TIAM2: variants seen among roughly 807,000 people sequenced by gnomAD.
The protein encoded by TIAM2 is TIAM Rac1 associated GEF 2, also known as rho guanine nucleotide exchange factor TIAM2.
TIAM2 carries 80 observed loss-of-function variants against 152.9 expected under a neutral mutation model. The observed-to-expected ratio is 0.52, with a 90% CI of 0.44 to 0.63. TIAM2 has a LOEUF of 0.63. TIAM2 is among the 30% of genes least tolerant of loss of function. TIAM2 has a pLI of 0.00. For missense variants in TIAM2, 1,965 were observed against 2,120.1 expected (o/e 0.93, Z 1.44); for synonymous variants, 804 against 838.0 (o/e 0.96, Z 0.70).
intron 2 of TIAM2, among the ~76,000 whole-genome samples, chr6:155,104,050 C>CCCCACA (rs1778617598): frequency 3.4e-5 from 3 of 87,546 alleles, no homozygotes; most frequent in African/African-American, 1.7e-4. Flanking sequence ...ACCCCCCCCC[C>CCCCACA]CACACCCCCA....
At chr6:155,139,651 T>C (rs1414060808) in intron 5 of TIAM2, among the ~76,000 whole-genome samples, 2 of 152,146 alleles carry the variant, frequency 1.3e-5, no homozygotes, top group Non-Finnish European at 2.9e-5. Context: ...CAAACTATTA[T>C]GAGTGAGGCC....
intron 19 of TIAM2, among the ~76,000 whole-genome samples, chr6:155,246,504 A>G (rs959925647): frequency 1.4e-4 from 21 of 152,150 alleles, no homozygotes; most frequent in African/African-American, 4.8e-4. Flanking sequence ...AATTTTAAAA[A>G]TGTAAAAATG....
At chr6:155,197,451 A>G (rs1449218047) in intron 14 of TIAM2, among the ~76,000 whole-genome samples, 2 of 152,196 alleles carry the variant, frequency 1.3e-5, no homozygotes, top group African/African-American at 2.4e-5. Flanking sequence ...TAGCTTTTCT[A>G]AGCTTAATTA....
rs865995810 is a variant in TIAM2 at position 155,250,309 on chromosome 6, T to A, written c.3951+340T>A. Among the ~76,000 whole-genome samples, 207 of 126,140 alleles carry A rather than the reference T, an allele frequency of 1.6e-3. 1 individual carries two copies. The highest frequency in any genetic ancestry group is 5.6e-3 in the African/African-American group (198 of 35,172). The allele number at this position is 126,140 out of a possible 152,430, so 82.8% of individuals were successfully genotyped here. On this transcript the variant is annotated intron_variant, in intron 21 of 26. Coordinates refer to ENST00000682666, the MANE Select transcript of TIAM2 (RefSeq NM_012454.4). ...ATTTTGCCTTTTTTTTTTTTTTTTT[T>A]TAACATCAAATATTGGTGGTTACCT...
intron 2 of TIAM2, among the ~76,000 whole-genome samples, chr6:155,101,259 C>A (rs6557400): frequency 0.58 from 88,285 of 151,950 alleles, 26,739 homozygotes; most frequent in African/African-American, 0.73. Flanking sequence ...TTCTTCTAGT[C>A]TTGCCTTCAT....
intron 14 of TIAM2, among the ~76,000 whole-genome samples, chr6:155,188,835 C>A (rs916472689): frequency 4.6e-5 from 7 of 152,146 alleles, no homozygotes; most frequent in Non-Finnish European, 8.8e-5. Flanking sequence ...AGCCATTAAT[C>A]CTACCTTGTT....
intron 15 of TIAM2, among the ~76,000 whole-genome samples, chr6:155,233,192 C>T (rs764492327): frequency 2.0e-5 from 3 of 152,134 alleles, no homozygotes; most frequent in Non-Finnish European, 2.9e-5. Flanking sequence ...GTACCTACCC[C>T]GTAGTAGTTT....
chr6:155,240,814 C>G, intron 16 of TIAM2, 105 bp downstream of exon 16: 1 of 1,207,094 alleles, frequency 8.3e-7, no homozygotes, highest in Non-Finnish European at 1.1e-6. Flanking sequence ...CCTGCCACTC[C>G]CCAGGGGGGG....
chr6:155,219,588 G>A (rs531077396), intron 15 of TIAM2, among the ~76,000 whole-genome samples: 5 of 152,010 alleles, frequency 3.3e-5, no homozygotes, highest in Non-Finnish European at 7.4e-5. Flanking sequence ...GAGTCTCAAA[G>A]GCCATTTGAT....
rs150375770 is a variant in TIAM2, at chr6:155,164,469, C to T, written c.2083C>T (p.Arg695Cys). ...ATTTCACATGGATCTGTTCAGGATG[C>T]GCTGCTATCTGGCCAGCCTACAAGG... is the stretch of plus-strand genomic sequence containing the variant. ...EKFHMDLFRM[R>C]CYLASLQGGE... The change falls in exon 8 of 27, where the codon CGC becomes TGC. Residue 695 changes from arginine (R) to cysteine (C), a missense_variant. Coordinates refer to ENST00000682666, the MANE Select transcript of TIAM2 (RefSeq NM_012454.4). The T allele has an allele frequency of 6.3e-5, 102 of 1,614,004 alleles. No homozygotes were observed. Among genetic ancestry groups the T allele is most frequent in the Admixed American group, 2.2e-4 (13 of 60,000 alleles).
chr6:155,083,174 C>T (rs1026159105), intron 1 of TIAM2, among the ~76,000 whole-genome samples: 11 of 151,686 alleles, frequency 7.3e-5, no homozygotes, highest in African/African-American at 2.4e-4. Flanking sequence ...ATGGCGAAAC[C>T]CCTGTCTCTA....
At chr6:155,017,543 C>T (rs1470682610) in intron 1 of TIAM2, among the ~76,000 whole-genome samples, 2 of 136,384 alleles carry the variant, frequency 1.5e-5, no homozygotes, top group African/African-American at 2.8e-5. Flanking sequence ...CTCACTCTGT[C>T]GCCAGGCTGG....
chr6:155,138,204 A>G (rs934513324), intron 5 of TIAM2, among the ~76,000 whole-genome samples: 6 of 152,200 alleles, frequency 3.9e-5, no homozygotes, highest in African/African-American at 1.4e-4. Context: ...ATTTATAGGT[A>G]TGCCTGTACC....
chr6:155,016,745 A>C (rs887982974), intron 1 of TIAM2, among the ~76,000 whole-genome samples: 10 of 150,884 alleles, frequency 6.6e-5, no homozygotes, highest in Non-Finnish European at 1.2e-4. Context: ...TAAAAATACA[A>C]AAAAATTAGC....
chr6:155,029,588 A>G (rs1583159704), intron 1 of TIAM2, among the ~76,000 whole-genome samples: 1 of 86,566 alleles, frequency 1.2e-5, no homozygotes, highest in South Asian at 3.1e-4. Context: ...ATATAACTAT[A>G]TAGTATATAT....
rs1783220353 is a variant in TIAM2, at chr6:155,244,691, C to T, written c.3451C>T (p.Leu1151Phe). 1 of 1,614,056 alleles carries T rather than the reference C, an allele frequency of 6.2e-7. No individual in the cohort carries two copies. Among genetic ancestry groups the T allele is most frequent in the Admixed American group, 1.7e-5 (1 of 60,012 alleles). ...ESLFGSLPEM[L>F]EFQKVFLETL... ...ACTTTTTGGAAGTTTGCCAGAGATG[C>T]TTGAGTTTCAGAAGGTGTTTCTGGA... Residue 1151 changes from leucine (L) to phenylalanine (F), a missense_variant, in exon 18 of 27, where the codon CTT (leucine) becomes TTT (phenylalanine). Physicochemically the swap from Leu to Phe is conservative, Grantham distance 22. Around this residue, in one of 3 missense-constraint regions of TIAM2, gnomAD observed 935 missense variants for 980.0 expected, o/e 0.95. Coordinates refer to ENST00000682666, the MANE Select transcript of TIAM2 (RefSeq NM_012454.4).
intron 26 of TIAM2, chr6:155,255,977 T>G (rs1308665373): frequency 5.6e-6 from 1 of 177,210 alleles, no homozygotes; most frequent in African/African-American, 2.9e-5. Context: ...ACCACTGCAC[T>G]CCAGCCTGGG....
chr6:155,065,940 C>T (rs1399889436), intron 1 of TIAM2, among the ~76,000 whole-genome samples: 2 of 152,144 alleles, frequency 1.3e-5, no homozygotes, highest in Non-Finnish European at 2.9e-5. Context: ...AAGTTGTATG[C>T]TGATCCAGTA....
At chr6:155,055,037 A>G (rs1202959290) in intron 1 of TIAM2, among the ~76,000 whole-genome samples, 4 of 152,180 alleles carry the variant, frequency 2.6e-5, no homozygotes, top group Admixed American at 6.6e-5. Context: ...GCCCTGGGAC[A>G]TGATTTTTGG....
Sources: gnomAD v4.1 joint callset for allele counts (sites outside exome capture counted in the v4.1 genomes callset) on GRCh38, gnomAD v4.1.1 for gene constraint, gnomAD v4.1.1 regional missense constraint, MANE v1.5 for transcripts, NCBI Gene and HGNC (gene_info 2026-07-23, HGNC 2026-07-21) for gene names.